Variants in SNTB2 observed in about 807,000 individuals in gnomAD.
SNTB2 encodes syntrophin beta 2.
A neutral mutation model predicts 46.2 loss-of-function variants in SNTB2; 34 were observed. The observed-to-expected ratio is 0.74, with a 90% CI of 0.56 to 0.98. The LOEUF is 0.98. Ranked by LOEUF, SNTB2 falls within the 50% of genes least tolerant of loss-of-function variation. SNTB2 has a pLI of 0.00. For synonymous variants in SNTB2, 290 were observed against 312.6 expected (o/e 0.93, Z 0.76); for missense variants, 603 against 731.4 (o/e 0.82, Z 2.02).
intron 1 of SNTB2, among the ~76,000 whole-genome samples, chr16:69,217,645 T>G (rs1436989655): frequency 6.6e-6 from 1 of 152,190 alleles, no homozygotes; most frequent in African/African-American, 2.4e-5. Flanking sequence ...ATACAAATAG[T>G]GCTTTATGAT....
At chr16:69,281,205 A>G (rs1965039571) in intron 4 of SNTB2, among the ~76,000 whole-genome samples, 1 of 150,576 alleles carries the variant, frequency 6.6e-6, no homozygotes, top group Non-Finnish European at 1.5e-5. Flanking sequence ...ATCCTTTTAA[A>G]TCATCTAGAG....
At chr16:69,257,602 C>T (rs982685144) in intron 2 of SNTB2, among the ~76,000 whole-genome samples, 2 of 151,978 alleles carry the variant, frequency 1.3e-5, no homozygotes, top group African/African-American at 2.4e-5. Context: ...CCCACCACCA[C>T]GCCCGGCTAA....
At chr16:69,229,577 C>T (rs1450004343) in intron 1 of SNTB2, among the ~76,000 whole-genome samples, 1 of 149,358 alleles carries the variant, frequency 6.7e-6, no homozygotes, top group East Asian at 2.1e-4. Flanking sequence ...CGGTGGCTCA[C>T]ACCTATGATC....
intron 1 of SNTB2, among the ~76,000 whole-genome samples, chr16:69,232,306 C>T (rs531979411): frequency 6.7e-6 from 1 of 149,642 alleles, no homozygotes; most frequent in African/African-American, 2.5e-5. Context: ...CCTAGGTTCA[C>T]GCCATTCTCC....
At chr16:69,199,576 A>G (rs1433508548) in intron 1 of SNTB2, among the ~76,000 whole-genome samples, 1 of 146,276 alleles carries the variant, frequency 6.8e-6, no homozygotes, top group Non-Finnish European at 1.5e-5. Context: ...GGTCTGGACA[A>G]CAGAGTGAAA....
At chr16:69,283,841 G>T (rs1320387834) in intron 4 of SNTB2, among the ~76,000 whole-genome samples, 1 of 152,066 alleles carries the variant, frequency 6.6e-6, no homozygotes, top group Non-Finnish European at 1.5e-5. Context: ...TTCAAGACTG[G>T]TATCTTGTCT....
intron 5 of SNTB2, 41 bp downstream of exon 5, chr16:69,284,285 G>C (rs1400745958): frequency 6.5e-7 from 1 of 1,530,494 alleles, no homozygotes; most frequent in Non-Finnish European, 8.9e-7. Flanking sequence ...TAATTAAATA[G>C]AACTGTTATA....
At chr16:69,256,733 G>A (rs1964780427) in intron 2 of SNTB2, among the ~76,000 whole-genome samples, 2 of 152,094 alleles carry the variant, frequency 1.3e-5, no homozygotes, top group Admixed American at 1.3e-4. Flanking sequence ...GGACATTTGG[G>A]TTGCTTCCAC....
Position 69,301,277 on chromosome 16 carries a change from T to C in SNTB2, c.*353T>C, listed in dbSNP as rs917259507. The stretch of plus-strand genomic sequence containing the variant: ...TAGACATAATCAAATACCCAAGCAT[T>C]GTTTTCTTTTTCTTCTCCCTGTAGG... On this transcript the variant is annotated 3_prime_UTR_variant, in exon 7 of 7. Transcript: ENST00000336278. 5.0e-6 allele frequency: 1 copy of C among 198,262 alleles called. No homozygotes were observed. The highest frequency in any genetic ancestry group is 2.3e-5 in the African/African-American group (1 of 43,010). 12.3% of individuals were successfully genotyped at this position (198,262 alleles called of 1,614,324 possible). A position where few individuals can be genotyped will look rare whatever the true frequency, so the allele number is the denominator to read the frequency against.
chr16:69,276,316 T>C (rs1964984818), intron 4 of SNTB2, among the ~76,000 whole-genome samples: 1 of 152,164 alleles, frequency 6.6e-6, no homozygotes, highest in Non-Finnish European at 1.5e-5. Flanking sequence ...TCATCTGGCC[T>C]CTCCACAAAA....
intron 1 of SNTB2, among the ~76,000 whole-genome samples, chr16:69,217,961 G>A (rs1339224370): frequency 2.6e-5 from 4 of 152,132 alleles, no homozygotes; most frequent in Non-Finnish European, 5.9e-5. Flanking sequence ...GTTATCTATT[G>A]TCTTTGTGCA....
At chr16:69,215,495 A>T (rs1964338503) in intron 1 of SNTB2, among the ~76,000 whole-genome samples, 1 of 152,136 alleles carries the variant, frequency 6.6e-6, no homozygotes, top group African/African-American at 2.4e-5. Context: ...TGTTACTGAG[A>T]TAATGTTTGT....
At chr16:69,216,418 C>T (rs1322782037) in intron 1 of SNTB2, among the ~76,000 whole-genome samples, 1 of 151,862 alleles carries the variant, frequency 6.6e-6, no homozygotes, top group Non-Finnish European at 1.5e-5. Context: ...CATGGTGGCT[C>T]ACGCCTATAA....
intron 5 of SNTB2, among the ~76,000 whole-genome samples, chr16:69,285,977 G>C (rs777452249): frequency 6.6e-6 from 1 of 151,968 alleles, no homozygotes; most frequent in African/African-American, 2.4e-5. Context: ...ATTTTTAGTA[G>C]AGACAGGGTT....
intron 1 of SNTB2, 27 bp downstream of exon 1, chr16:69,187,773 G>GGGGGGGGGGGGGC: frequency 3.0e-6 from 1 of 331,856 alleles, no homozygotes; most frequent in Non-Finnish European, 5.5e-6. Context: ...GGGAGGGTGG[G>GGGGGGGGGGGGGC]CAGGCCGCGG....
intron 1 of SNTB2, among the ~76,000 whole-genome samples, chr16:69,230,636 C>G (rs911978753): frequency 2.6e-5 from 4 of 152,078 alleles, no homozygotes; most frequent in African/African-American, 9.7e-5. Context: ...GCTGGGATTA[C>G]AGGCATGAGC....
intron 1 of SNTB2, among the ~76,000 whole-genome samples, chr16:69,241,175 T>TC (rs1277868530): frequency 1.5e-5 from 2 of 131,792 alleles, no homozygotes; most frequent in East Asian, 4.4e-4. Flanking sequence ...AAGCTTTTTT[T>TC]TTTTTTTTTT....
At chr16:69,294,026 T>C (rs1965199771) in intron 5 of SNTB2, among the ~76,000 whole-genome samples, 1 of 152,134 alleles carries the variant, frequency 6.6e-6, no homozygotes, top group Non-Finnish European at 1.5e-5. Flanking sequence ...GTTTTTTGTT[T>C]GTTTGTTTGT....
chr16:69,201,706 G>T (rs1964162650), intron 1 of SNTB2, among the ~76,000 whole-genome samples: 2 of 152,100 alleles, frequency 1.3e-5, no homozygotes, highest in South Asian at 4.1e-4. Context: ...AACCAAAAAT[G>T]TTTGAGAAAT....
Sources: gnomAD v4.1 joint callset for allele counts (sites outside exome capture counted in the v4.1 genomes callset) on GRCh38, gnomAD v4.1.1 for gene constraint, MANE v1.5 for transcripts, NCBI Gene and HGNC (gene_info 2026-07-23, HGNC 2026-07-21) for gene names.